Variants in PDIA6 observed in about 807,000 individuals in gnomAD.
PDIA6 encodes protein disulfide-isomerase A6.
PDIA6 carries 29 observed loss-of-function variants against 58.4 expected under a neutral mutation model. The observed-to-expected ratio is 0.50, with a 90% CI of 0.37 to 0.68. The LOEUF (loss-of-function observed/expected upper bound fraction) is 0.68, where lower values mean the gene tolerates loss of function less well. PDIA6 is among the 30% of genes least tolerant of loss of function. PDIA6 has a pLI of 0.00. For synonymous variants in PDIA6, 192 were observed against 202.6 expected, an observed-to-expected ratio of 0.95 and a Z score of 0.44; for missense variants, 480 against 551.0, an observed-to-expected ratio of 0.87 and a Z score of 1.29.
intron 3 of PDIA6, 119 bp from the exon 4 acceptor site, chr2:10,797,326 A>G (rs1666309777): frequency 1.1e-6 from 1 of 944,732 alleles, no homozygotes; most frequent in African/African-American, 1.7e-5. Context: ...TGCAGTTTGC[A>G]ATCAGTCAAT....
intron 2 of PDIA6, among the ~76,000 whole-genome samples, chr2:10,800,861 G>A (rs1278986566): frequency 2.0e-5 from 3 of 152,030 alleles, no homozygotes; most frequent in Non-Finnish European, 2.9e-5. Context: ...TTTACCCACC[G>A]TGGTCTCCCA....
At chr2:10,834,334 C>T (rs891881847), upstream of PDIA6, among the ~76,000 whole-genome samples, 2 of 152,266 alleles carry the variant, frequency 1.3e-5, no homozygotes, top group South Asian at 2.1e-4. Context: ...GAGAGAAAGA[C>T]CCTCTCTGTG....
chr2:10,803,911 G>GGTTTTTTTTTTTTTT (rs1553339551), intron 1 of PDIA6, among the ~76,000 whole-genome samples: 1 of 117,892 alleles, frequency 8.5e-6, no homozygotes, highest in Non-Finnish European at 1.8e-5. Context: ...TAGTTTTTGT[G>GGTTTTTTTTTTTTTT]TTTTTTTTTT....
At chr2:10,835,091 TG>T (rs1558468904), upstream of PDIA6, among the ~76,000 whole-genome samples, 2 of 152,042 alleles carry the variant, frequency 1.3e-5, no homozygotes, top group Admixed American at 6.5e-5. Context: ...TTTCATAGCG[TG>T]GGTTGATGAA....
intron 1 of PDIA6, among the ~76,000 whole-genome samples, chr2:10,829,137 G>A (rs1407285778): frequency 6.6e-6 from 1 of 152,180 alleles, no homozygotes; most frequent in South Asian, 2.1e-4. Context: ...TGAAAAGGGC[G>A]ATATCTGGCC....
chr2:10,834,614 T>C (rs1002102756), upstream of PDIA6, among the ~76,000 whole-genome samples: 1 of 151,802 alleles, frequency 6.6e-6, no homozygotes, highest in African/African-American at 2.4e-5. Context: ...TTCTTTGTTA[T>C]GAACACTAAG....
chr2:10,837,678 G>T, exon 1 of PDIA6: 1 of 1,512,498 alleles, frequency 6.6e-7, no homozygotes, highest in Non-Finnish European at 8.9e-7. Context: ...TGGCAGAGCT[G>T]GGTCTCAAGC....
At chr2:10,834,910 G>T (rs1667797387), upstream of PDIA6, among the ~76,000 whole-genome samples, 1 of 151,984 alleles carries the variant, frequency 6.6e-6, no homozygotes, top group South Asian at 2.1e-4. Flanking sequence ...GGGATTACAG[G>T]CACGCACCAC....
chr2:10,810,322 T>A, intron 1 of PDIA6: 1 of 1,529,550 alleles, frequency 6.5e-7, no homozygotes, highest in East Asian at 2.4e-5. Flanking sequence ...CAGAGCATCA[T>A]TAGGTAGACT....
At position 10,787,378 on chromosome 2, in the gene PDIA6, A is replaced by G; in HGVS notation, c.1060T>C (p.Phe354Leu). 1 of 1,614,044 alleles carries G rather than the reference A, an allele frequency of 6.2e-7. No homozygotes were observed. Among genetic ancestry groups the G allele is most frequent in the Non-Finnish European group, 8.5e-7 (1 of 1,179,988 alleles). ...ELETALGIGG[F>L]GYPAMAAINA... ...ATGGCGGCCATGGCGGGGTACCCAA[A>G]CCCTCCAATCCCCAACGCGGTCTCA... Residue 354 changes from phenylalanine (F) to leucine (L), a missense_variant, in exon 11 of 13, where the codon TTT (phenylalanine) becomes CTT (leucine). Transcript: ENST00000272227.
In PDIA6 at chr2:10,792,071, TG is replaced by T. The variant is rs1666060657; in HGVS notation, c.454-147del. ...ATAGTGAAAACGGTTGTATTCAAAT[TG>T]GGTACATTCCTCAGCACTGTAATTT... On this transcript the variant is annotated intron_variant, in intron 5 of 12. Transcript: ENST00000272227. The T allele has an allele frequency of 3.5e-6, 3 of 862,992 alleles. No homozygotes were observed. The South Asian group carries it at 5.2e-5, about 15-fold the overall frequency. The allele number at this position is 862,992 out of a possible 1,614,324, so 53.5% of individuals were successfully genotyped here.
chr2:10,833,432 C>T (rs1369160588), upstream of PDIA6, among the ~76,000 whole-genome samples: 1 of 152,218 alleles, frequency 6.6e-6, no homozygotes, highest in Non-Finnish European at 1.5e-5. Context: ...TGTCCCCACC[C>T]CCTCTGGGGG....
Position 10,812,747 on chromosome 2 carries a change from T to A in PDIA6, c.-51A>T. 7.0e-7 allele frequency: 1 copy of A among 1,432,372 alleles called. No individual in the cohort carries two copies. Among genetic ancestry groups the A allele is most frequent in the African/African-American group, 1.5e-5 (1 of 67,330 alleles). 88.7% of individuals were successfully genotyped at this position (1,432,372 alleles called of 1,614,324 possible). On this transcript the variant is annotated 5_prime_UTR_variant, in exon 1 of 13. Coordinates refer to ENST00000272227, the MANE Select transcript of PDIA6 (RefSeq NM_005742.4). ...CCCACCGCCGCCGCCGCTTCAGCCC[T>A]GCAGCGTGCCGCACGCCGCGCCCCC...
At chr2:10,816,034 A>C (rs1260786675), upstream of PDIA6, among the ~76,000 whole-genome samples, 3 of 148,430 alleles carry the variant, frequency 2.0e-5, no homozygotes, top group Non-Finnish European at 3.0e-5. Flanking sequence ...TTTCTTTATG[A>C]ATTTGGCTAA....
upstream of PDIA6, chr2:10,812,936 G>GT (rs17552858): frequency 5.6e-5 from 43 of 772,134 alleles, no homozygotes; most frequent in East Asian, 1.0e-4. Flanking sequence ...TACCGGTTTG[G>GT]TTTTTTTTCA....
chr2:10,807,978 T>A (rs1159953655), intron 1 of PDIA6, among the ~76,000 whole-genome samples: 1 of 152,250 alleles, frequency 6.6e-6, no homozygotes, highest in Non-Finnish European at 1.5e-5. Context: ...CACCATGCTG[T>A]CTTTTTAGTG....
At chr2:10,796,907 C>T (rs1666290091) in intron 4 of PDIA6, among the ~76,000 whole-genome samples, 174 bp downstream of exon 4, 1 of 152,198 alleles carries the variant, frequency 6.6e-6, no homozygotes, top group South Asian at 2.1e-4. Context: ...CTGTGTGACA[C>T]ATATTTCATC....
intron 1 of PDIA6, among the ~76,000 whole-genome samples, chr2:10,821,752 G>A (rs1005533317): frequency 1.3e-5 from 2 of 151,746 alleles, no homozygotes; most frequent in African/African-American, 4.8e-5. Flanking sequence ...AGGCTCCCAA[G>A]TAATTGTGAC....
chr2:10,791,837 C>G lies in PDIA6; in HGVS notation c.542G>C (p.Trp181Ser). ...CCAAGGAGCATAGAACTCAACCATC[C>G]AAACATCTTCACTGTCCAGAACATT... ...DKNVLDSEDV[W>S]MVEFYAPWCG... is the part of the protein sequence containing the mutation. Residue 181 changes from tryptophan (W) to serine (S), a missense_variant, in exon 6 of 13, where the codon TGG becomes TCG. Physicochemically the swap from Trp to Ser is radical, Grantham distance 177 (BLOSUM62 -3). Transcript: ENST00000272227. 6.2e-7 allele frequency: 1 copy of G among 1,614,108 alleles called. No homozygotes were observed. The highest frequency in any genetic ancestry group is 1.3e-5 in the African/African-American group (1 of 75,060).
Sources: allele counts gnomAD v4.1 joint callset (sites outside exome capture counted in the v4.1 genomes callset), GRCh38; gene constraint gnomAD v4.1.1; transcripts MANE v1.5; gene names NCBI Gene and HGNC (gene_info 2026-07-23, HGNC 2026-07-21).